Variants in SBF2 observed in about 807,000 individuals in gnomAD.
The protein encoded by SBF2 is SET binding factor 2.
A neutral mutation model predicts 225.2 loss-of-function variants in SBF2; 112 were observed. The ratio of observed to expected loss-of-function variants is 0.50; its 90% CI spans 0.43 to 0.58. The LOEUF is 0.58. SBF2 is among the 20% of genes least tolerant of loss of function. The pLI is 0.00. For missense variants in SBF2, 1,996 were observed against 2,206.2 expected (o/e 0.90, Z 1.91); for synonymous variants, 763 against 773.3 (o/e 0.99, Z 0.22).
intron 2 of SBF2, among the ~76,000 whole-genome samples, chr11:10,184,835 T>C (rs184072070): frequency 1.4e-4 from 21 of 152,316 alleles, no homozygotes; most frequent in Non-Finnish European, 8.8e-5. Flanking sequence ...CATGCCATTC[T>C]CTCACCTCAA....
chr11:9,838,553 A>G (rs1855884547), intron 26 of SBF2: 1 of 152,324 alleles, frequency 6.6e-6, no homozygotes, highest in African/African-American at 2.4e-5. Context: ...TTTGGCCACA[A>G]TCTCAAAACT....
intron 16 of SBF2, among the ~76,000 whole-genome samples, chr11:9,901,241 A>G (rs761775609): frequency 9.8e-5 from 15 of 152,370 alleles, no homozygotes; most frequent in Non-Finnish European, 2.1e-4. Flanking sequence ...AGAGCACTGA[A>G]GCTAAATTTT....
intron 2 of SBF2, among the ~76,000 whole-genome samples, chr11:10,096,761 G>A (rs1437468597): frequency 6.6e-6 from 1 of 152,024 alleles, no homozygotes; most frequent in Non-Finnish European, 1.5e-5. Context: ...TTATCACCTT[G>A]CAATGAGTCA....
At chr11:10,231,208 C>T (rs1049166795) in intron 1 of SBF2, among the ~76,000 whole-genome samples, 12 of 152,134 alleles carry the variant, frequency 7.9e-5, no homozygotes, top group Non-Finnish European at 1.3e-4. Context: ...GTTAGCCATT[C>T]ATCTAATGTT....
intron 13 of SBF2, among the ~76,000 whole-genome samples, chr11:9,985,662 C>T (rs1947170553): frequency 6.6e-6 from 1 of 152,100 alleles, no homozygotes; most frequent in South Asian, 2.1e-4. Flanking sequence ...AACTGTAAAG[C>T]AACAGTGGTT....
intron 14 of SBF2, among the ~76,000 whole-genome samples, chr11:9,967,465 A>G (rs909837146): frequency 6.6e-5 from 10 of 152,252 alleles, no homozygotes; most frequent in Admixed American, 6.5e-4. Flanking sequence ...CCAGTCATAA[A>G]AGATTACATT....
chr11:9,964,872 G>GT (rs551652511), intron 14 of SBF2, among the ~76,000 whole-genome samples: 154 of 151,304 alleles, frequency 1.0e-3, no homozygotes, highest in Non-Finnish European at 1.6e-3. Flanking sequence ...AGTATCAATA[G>GT]TTTTTTTTTG....
intron 22 of SBF2, among the ~76,000 whole-genome samples, chr11:9,849,565 T>C (rs1257960387): frequency 2.0e-5 from 3 of 152,070 alleles, no homozygotes; most frequent in East Asian, 3.9e-4. Flanking sequence ...GTGGAGTTAA[T>C]TGGAATGGAA....
At chr11:10,174,968 T>C (rs1309428386) in intron 2 of SBF2, among the ~76,000 whole-genome samples, 38 of 149,600 alleles carry the variant, frequency 2.5e-4, no homozygotes, top group African/African-American at 8.6e-4. Flanking sequence ...TGCTGAGAGA[T>C]TTTGTCACCA....
At chr11:9,792,543 A>G (rs1460740035) in intron 33 of SBF2, among the ~76,000 whole-genome samples, 1 of 152,172 alleles carries the variant, frequency 6.6e-6, no homozygotes, top group East Asian at 1.9e-4. Context: ...GTTCCTAAAC[A>G]AGGTTTCACT....
Position 9,784,442 on chromosome 11 carries a change from G to T in SBF2, c.5232-4C>A. ...ATAAAGTGTTCCCTCAAAGGACCTA[G>T]AAGAAATGATGACAGGAGAGTTAAT... On this transcript the variant is annotated splice_polypyrimidine_tract_variant and splice_region_variant and intron_variant, in intron 37 of 39. Transcript: ENST00000256190. 1 of 1,607,574 alleles carries T rather than the reference G, an allele frequency of 6.2e-7. No homozygotes were observed. The highest frequency in any genetic ancestry group is 8.5e-7 in the Non-Finnish European group (1 of 1,174,014).
intron 16 of SBF2, 129 bp from the exon 17 acceptor site, chr11:9,896,140 C>T: frequency 1.3e-6 from 1 of 757,468 alleles, no homozygotes; most frequent in Non-Finnish European, 2.3e-6. Flanking sequence ...TGCAGAGGAC[C>T]TGACGGAGGG....
At chr11:10,184,993 A>G (rs965652141) in intron 2 of SBF2, among the ~76,000 whole-genome samples, 1 of 152,118 alleles carries the variant, frequency 6.6e-6, no homozygotes, top group African/African-American at 2.4e-5. Context: ...TATTTCCCTT[A>G]ACATAGTGTC....
chr11:9,837,317 C>G (rs1033671405), intron 26 of SBF2, among the ~76,000 whole-genome samples: 1 of 152,226 alleles, frequency 6.6e-6, no homozygotes, highest in Non-Finnish European at 1.5e-5. Flanking sequence ...CATTCTTACT[C>G]TCTTTTGCTG....
chr11:9,885,946 C>T (rs1455718861), intron 17 of SBF2, among the ~76,000 whole-genome samples: 1 of 152,066 alleles, frequency 6.6e-6, no homozygotes, highest in Non-Finnish European at 1.5e-5. Flanking sequence ...CCCTTCAGTA[C>T]GATCTTGGCC....
chr11:10,293,928 C>T, intron 1 of SBF2, 87 bp downstream of exon 1: 1 of 1,026,340 alleles, frequency 9.7e-7, no homozygotes. Context: ...CCCCGACGCC[C>T]GTCCCCGACG....
chr11:9,846,906 G>C (rs751676729), intron 23 of SBF2, 50 bp downstream of exon 23: 4 of 1,608,166 alleles, frequency 2.5e-6, no homozygotes, highest in Admixed American at 3.3e-5. Context: ...AATATCATTT[G>C]ACTTTTGAAA....
At chr11:10,053,843 C>T (rs935776866) in intron 2 of SBF2, among the ~76,000 whole-genome samples, 1 of 151,514 alleles carries the variant, frequency 6.6e-6, no homozygotes, top group African/African-American at 2.4e-5. Flanking sequence ...TTGCTTGAGC[C>T]TGGGAGGTTG....
chr11:10,207,283 G>A (rs1957783297), intron 1 of SBF2, among the ~76,000 whole-genome samples: 1 of 151,726 alleles, frequency 6.6e-6, no homozygotes, highest in Non-Finnish European at 1.5e-5. Context: ...AGACATTCTT[G>A]GACCAAAAAA....
Sources: allele counts gnomAD v4.1 joint callset (sites outside exome capture counted in the v4.1 genomes callset), GRCh38; gene constraint gnomAD v4.1.1; transcripts MANE v1.5; gene names NCBI Gene and HGNC (gene_info 2026-07-23, HGNC 2026-07-21).